Variants in FCRL5 observed in about 807,000 individuals in gnomAD.
FCRL5 encodes Fc receptor like 5, also known as Fc receptor-like protein 5.
Under a neutral mutation model 92.1 loss-of-function variants are expected in FCRL5, and 79 were observed. The observed-to-expected ratio is 0.86, with a 90% confidence interval of 0.72 to 1.03. The LOEUF is 1.03. Ranked by LOEUF, FCRL5 falls within the 50% of genes least tolerant of loss-of-function variation. FCRL5 has a pLI of 0.00. For synonymous variants in FCRL5, 466 were observed against 469.3 expected (o/e 0.99, Z 0.09); for missense variants, 1,160 against 1,181.1 (o/e 0.98, Z 0.26).
chr1:157,520,854 A>G (rs1650149865), intron 11 of FCRL5, among the ~76,000 whole-genome samples, 163 bp downstream of exon 11: 1 of 152,242 alleles, frequency 6.6e-6, no homozygotes, highest in Non-Finnish European at 1.5e-5. Context: ...CCCCAACGCC[A>G]TCACTTCAGA....
intron 12 of FCRL5, among the ~76,000 whole-genome samples, 183 bp from the exon 13 acceptor site, chr1:157,519,953 G>A (rs899812459): frequency 2.6e-5 from 4 of 152,120 alleles, no homozygotes; most frequent in Non-Finnish European, 5.9e-5. Context: ...AGAGGGGTTT[G>A]CTATGATGTG....
At chr1:157,523,280 C>A (rs919345903) in intron 10 of FCRL5, among the ~76,000 whole-genome samples, 3 of 152,210 alleles carry the variant, frequency 2.0e-5, no homozygotes, top group Admixed American at 6.5e-5. Context: ...ATTCCAGGGG[C>A]AGGTACAACC....
rs578048369 is a variant in FCRL5 at position 157,546,334 on chromosome 1, C to A, written c.307+609G>T. 3.8e-4 allele frequency: 156 copies of A among 409,204 alleles called. 1 individual carries two copies. The highest frequency in any genetic ancestry group is 6.4e-4 in the Non-Finnish European group (134 of 208,242). The allele number at this position is 409,204 out of a possible 1,614,324, so 25.3% of individuals were successfully genotyped here. ...GTGATGGCGGGCTCTTGTAGTCCTA[C>A]TTACTAGGGATACCGAGGTGGGAGA... On this transcript the variant is annotated intron_variant, in intron 3 of 16. Transcript: ENST00000361835.
At chr1:157,545,404 A>G (rs1477595207) in intron 3 of FCRL5, among the ~76,000 whole-genome samples, 2 of 151,938 alleles carry the variant, frequency 1.3e-5, no homozygotes, top group Non-Finnish European at 2.9e-5. Context: ...AGATTTGATA[A>G]CTTTCCTTTC....
Position 157,514,892 on chromosome 1 carries a change from C to T in FCRL5, c.*783G>A, listed in dbSNP as rs1223779920. The stretch of plus-strand genomic sequence containing the variant: ...TTTCTTCCTCATTCATTCATTCATT[C>T]AGTCAGTCAGTCAAATAGTAATTGA... On this transcript the variant is annotated 3_prime_UTR_variant, in exon 17 of 17. Transcript: ENST00000361835. 1 of 152,266 alleles carries T rather than the reference C, an allele frequency of 6.6e-6. No individual in the cohort carries two copies. Among genetic ancestry groups the T allele is most frequent in the Non-Finnish European group, 1.5e-5 (1 of 68,094 alleles). The allele number at this position is 152,266 out of a possible 1,614,324, so 9.4% of individuals were successfully genotyped here.
intron 15 of FCRL5, among the ~76,000 whole-genome samples, chr1:157,517,697 G>A (rs567164996): frequency 5.9e-5 from 9 of 152,288 alleles, no homozygotes; most frequent in East Asian, 1.9e-4. Context: ...CCACAGAGCT[G>A]TAAGATGATA....
intron 8 of FCRL5, among the ~76,000 whole-genome samples, chr1:157,529,668 C>T (rs77635073): frequency 6.6e-6 from 1 of 152,280 alleles, no homozygotes; most frequent in African/African-American, 2.4e-5. Context: ...ATGGCATTCA[C>T]AGCAACCTAG....
intron 7 of FCRL5, among the ~76,000 whole-genome samples, chr1:157,538,603 G>A (rs759679288): frequency 1.3e-4 from 20 of 152,190 alleles, no homozygotes; most frequent in Non-Finnish European, 2.8e-4. Context: ...AAAAAGGCTT[G>A]AGCAAGGGAG....
In FCRL5 at chr1:157,515,607, G is replaced by A. The variant is rs777980714; in HGVS notation, c.*68C>T. ...GCAGCCTAAATCTTCCCACTTCAAT[G>A]CTGCTTCTCCCCCAAGGGGAACTTT... On this transcript the variant is annotated 3_prime_UTR_variant, in exon 17 of 17. Coordinates refer to ENST00000361835, the MANE Select transcript of FCRL5 (RefSeq NM_031281.3). 2 of 1,613,686 alleles carry A rather than the reference G, an allele frequency of 1.2e-6. No individual in the cohort carries two copies. Among genetic ancestry groups the A allele is most frequent in the African/African-American group, 1.3e-5 (1 of 74,942 alleles).
At chr1:157,542,794 C>T (rs775565239) in intron 6 of FCRL5, 65 bp downstream of exon 6, 56 of 1,554,142 alleles carry the variant, frequency 3.6e-5, no homozygotes, top group Middle Eastern at 2.4e-4. Flanking sequence ...TGCTGACTTC[C>T]GAAGGGCAGG....
chr1:157,516,091 CTT>C lies in FCRL5; in HGVS notation c.2813-220_2813-219del, dbSNP rs1201504784. 4.8e-6 allele frequency: 3 copies of C among 630,346 alleles called. No homozygotes were observed. The East Asian group carries it at 8.2e-5, about 17-fold the overall frequency. 39.0% of individuals were successfully genotyped at this position (630,346 alleles called of 1,614,324 possible). On this transcript the variant is annotated intron_variant, in intron 15 of 16. Coordinates refer to ENST00000361835, the MANE Select transcript of FCRL5 (RefSeq NM_031281.3). ...ACCCTCTCTTCAACTCCCCTTCACA[CTT>C]TGTGGCCCACTCTGAGCTGCCTAGA...
rs201217141 is a variant in FCRL5 at position 157,522,322 on chromosome 1, GT to G, written c.2240-1031del. 3 of 152,138 alleles carry G rather than the reference GT, an allele frequency of 2.0e-5. No individual in the cohort carries two copies. The East Asian group carries it at 5.8e-4, about 29-fold the overall frequency. The allele number at this position is 152,138 out of a possible 1,614,324, so 9.4% of individuals were successfully genotyped here. On this transcript the variant is annotated intron_variant, in intron 10 of 16. Transcript: ENST00000361835. ...ACAAATTACTAAAAACTAAAATGTT[GT>G]GTTAAAAGTGGCCACAACGGATGAG...
intron 15 of FCRL5, 31 bp from the exon 16 acceptor site, chr1:157,515,904 A>G (rs771809253): frequency 4.3e-6 from 7 of 1,612,306 alleles, no homozygotes; most frequent in Admixed American, 3.3e-5. Flanking sequence ...TCAGTTGTGG[A>G]AGACTGGCAT....
chr1:157,520,151 TG>T (rs371876702), intron 12 of FCRL5, among the ~76,000 whole-genome samples: 1 of 152,122 alleles, frequency 6.6e-6, no homozygotes, highest in African/African-American at 2.4e-5. Context: ...TCCCATTCGT[TG>T]GGGGGGTCTT....
chr1:157,547,136 C>G lies in FCRL5; in HGVS notation c.114G>C (p.Glu38Asp). 4 of 1,614,106 alleles carry G rather than the reference C, an allele frequency of 2.5e-6. No individual in the cohort carries two copies. The highest frequency in any genetic ancestry group is 1.7e-6 in the Non-Finnish European group (2 of 1,180,004). ...ATCCCTTGCAAGTGAGGGTCACTCT[C>G]TCTCCTTGGAAGACTGTGGTCCATG... ...QPPWTTVFQG[E>D]RVTLTCKGFR... Residue 38 changes from glutamate to aspartate, a missense_variant, in exon 3 of 17, where the codon GAG becomes GAC. By Grantham distance (45) the Glu-to-Asp change is conservative. Transcript: ENST00000361835.
chr1:157,515,918 G>A (rs762953229), intron 15 of FCRL5, 45 bp from the exon 16 acceptor site: 1 of 1,607,382 alleles, frequency 6.2e-7, no homozygotes, highest in East Asian at 2.2e-5. Flanking sequence ...CTGGCATGGG[G>A]CTCTTCCCTT....
intron 8 of FCRL5, chr1:157,528,262 A>G (rs2317051): frequency 0.84 from 133,207 of 157,696 alleles, 56,390 homozygotes; most frequent in Middle Eastern, 0.92. Context: ...TCACAAGTAA[A>G]TGAAAGATAT....
At chr1:157,539,685 G>A (rs1651158092) in intron 6 of FCRL5, among the ~76,000 whole-genome samples, 1 of 152,178 alleles carries the variant, frequency 6.6e-6, no homozygotes, top group South Asian at 2.1e-4. Flanking sequence ...TTTCACAAGT[G>A]CAGGACAAAA....
At position 157,515,837 on chromosome 1, in the gene FCRL5, C is replaced by T. The variant is rs1649898515; in HGVS notation, c.2844+5G>A. The T allele has an allele frequency of 3.1e-6, 5 of 1,614,104 alleles. No homozygotes were observed. In the East Asian group the frequency reaches 8.9e-5, roughly 29 times the overall value. On this transcript the variant is annotated splice_donor_5th_base_variant and intron_variant, in intron 16 of 16. Transcript: ENST00000361835. ...GGGGGAGGGCATGCAGAAGGGGAGA[C>T]TCACCTTGTTCCTGAGATGCCTGGG... is the stretch of plus-strand genomic sequence containing the variant.
Sources: allele counts gnomAD v4.1 joint callset (sites outside exome capture counted in the v4.1 genomes callset), GRCh38; gene constraint gnomAD v4.1.1; transcripts MANE v1.5; gene names NCBI Gene and HGNC (gene_info 2026-07-23, HGNC 2026-07-21).